The following SLC35E1 variants were observed in gnomAD, a reference collection of about 807,000 sequenced individuals.
The protein encoded by SLC35E1 is solute carrier family 35, member E1.
A neutral mutation model predicts 31.0 loss-of-function variants in SLC35E1; 12 were observed. The ratio of observed to expected loss-of-function variants is 0.39; its 90% CI spans 0.25 to 0.63. The LOEUF (loss-of-function observed/expected upper bound fraction) is 0.63. Among genes scored for constraint, SLC35E1 ranks in the 20% least tolerant of loss-of-function variants. SLC35E1 has a pLI of 0.52. For missense variants in SLC35E1, 429 were observed against 572.2 expected, an observed-to-expected ratio of 0.75 and a Z score of 2.55; for synonymous variants, 257 against 264.1, an observed-to-expected ratio of 0.97 and a Z score of 0.26.
At position 16,556,333 on chromosome 19, in the gene SLC35E1, C is replaced by A. The variant is rs150229330; in HGVS notation, c.757-936G>T. ...GGGCAGCCTGGGCAACACAGTGAGA[C>A]CCTGTCTCTACAAAAAAAAAAAAAA... On this transcript the variant is annotated intron_variant, in intron 4 of 5. Transcript: ENST00000595753. 4.4e-3 allele frequency among the ~76,000 whole-genome samples: 662 copies of A among 151,756 alleles called. 8 individuals carry two copies. The highest frequency in any genetic ancestry group is 0.015 in the African/African-American group (636 of 41,352).
Position 16,553,884 on chromosome 19 carries a change from G to A in SLC35E1, c.1028C>T (p.Ala343Val), listed in dbSNP as rs748949658. The change falls in exon 6 of 6, where the codon GCC (alanine) becomes GTC (valine). Residue 343 changes from alanine to valine, a missense_variant. By Grantham distance (64) the Ala-to-Val change is moderately conservative (BLOSUM62 0). Coordinates refer to ENST00000595753, the MANE Select transcript of SLC35E1 (RefSeq NM_024881.5). ...NKTKYDANQQ[A>V]RKHLLPVTTA... Reference sequence around the variant, plus strand: ...GGTGACGGGGAGGAGGTGCTTCCTGGCTTGCTGGTTTGCATCGTACTTGGT... The same window carrying A: ...GGTGACGGGGAGGAGGTGCTTCCTGACTTGCTGGTTTGCATCGTACTTGGT... 1 of 1,611,562 alleles carries A rather than the reference G, an allele frequency of 6.2e-7. No individual in the cohort carries two copies. The highest frequency in any genetic ancestry group is 8.5e-7 in the Non-Finnish European group (1 of 1,178,546).
At chr19:16,569,950 T>G (rs1599322894) in intron 2 of SLC35E1, among the ~76,000 whole-genome samples, 2 of 152,302 alleles carry the variant, frequency 1.3e-5, no homozygotes, top group South Asian at 4.1e-4. Context: ...GAATTCCAGC[T>G]TCCCGAATAT....
At chr19:16,557,463 G>C (rs530988450) in intron 4 of SLC35E1, among the ~76,000 whole-genome samples, 243 of 152,238 alleles carry the variant, frequency 1.6e-3, no homozygotes, top group South Asian at 2.9e-3. Flanking sequence ...AAAGTGCTGG[G>C]ATTACTGGCA....
Position 16,572,405 on chromosome 19 carries a change from C to A in SLC35E1, c.-41G>T, listed in dbSNP as rs991389565. The A allele has an allele frequency of 1.1e-5, 11 of 984,428 alleles. No homozygotes were observed. The highest frequency in any genetic ancestry group is 6.1e-5 in the Admixed American group (1 of 16,306). 61.0% of individuals were successfully genotyped at this position (984,428 alleles called of 1,614,324 possible). ...GCCCCTTCCAGCCCGTCCGACGGCC[C>A]GACGCCGGGCGGGGGCGGGGCTGGG... On this transcript the variant is annotated 5_prime_UTR_variant, in exon 1 of 6. Transcript: ENST00000595753. This position sits in a 1 kb window ranked among gnomAD's most constrained non-coding sequence, Gnocchi z 4.1.
chr19:16,572,293 C>G lies in SLC35E1; in HGVS notation c.72G>C (p.Ala24=). Residue 24 remains alanine, a synonymous_variant, in exon 1 of 6, where the codon GCG becomes GCC. Coordinates refer to ENST00000595753, the MANE Select transcript of SLC35E1 (RefSeq NM_024881.5). The surrounding 1 kb of genome is among the most constrained non-coding windows in gnomAD (Gnocchi z 4.1). Reference sequence around the variant, plus strand: ...GCGCCGCCACCCGCGCGCCCTCGCGCGCCCCACCACTGCTGCTCGCTGCGC... The same window carrying G: ...GCGCCGCCACCCGCGCGCCCTCGCGGGCCCCACCACTGCTGCTCGCTGCGC... ...GPGAASSSGG[A]REGARVAALC... The G allele has an allele frequency of 6.8e-7, 1 of 1,476,104 alleles. No homozygotes were observed. Among genetic ancestry groups the G allele is most frequent in the South Asian group, 1.3e-5 (1 of 77,808 alleles). The allele number at this position is 1,476,104 out of a possible 1,614,324, so 91.4% of individuals were successfully genotyped here.
chr19:16,561,991 C>T (rs145946623), intron 4 of SLC35E1, among the ~76,000 whole-genome samples: 66 of 152,018 alleles, frequency 4.3e-4, no homozygotes, highest in Non-Finnish European at 7.1e-4. Flanking sequence ...AGTTCAAGAC[C>T]AACCTAGGCA....
intron 2 of SLC35E1, among the ~76,000 whole-genome samples, chr19:16,568,992 G>A (rs1216561194): frequency 6.7e-6 from 1 of 150,352 alleles, no homozygotes; most frequent in Non-Finnish European, 1.5e-5. Context: ...CAGGGCCACT[G>A]CCTGGACTTC....
In SLC35E1 at chr19:16,556,361, T is replaced by C. The variant is rs1456209634; in HGVS notation, c.757-964A>G. 7.3e-5 allele frequency among the ~76,000 whole-genome samples: 11 copies of C among 150,826 alleles called. No individual in the cohort carries two copies. The South Asian group carries it at 2.3e-3, about 32-fold the overall frequency. On this transcript the variant is annotated intron_variant, in intron 4 of 5. Coordinates refer to ENST00000595753, the MANE Select transcript of SLC35E1 (RefSeq NM_024881.5). Reference sequence around the variant, plus strand: ...TGTCTCTACAAAAAAAAAAAAAAATTAGCCAGGCATGGTGGTGCACACCTG... The same window carrying C: ...TGTCTCTACAAAAAAAAAAAAAAATCAGCCAGGCATGGTGGTGCACACCTG...
Position 16,553,834 on chromosome 19 carries a change from G to A in SLC35E1, c.1078C>T (p.Arg360Cys), listed in dbSNP as rs372456978. ...GGCTTCTCCAGTGGGCTCCGGTGAC[G>A]CTCCTTGCTGCTCAGGTCTGCTGTG... ...VTTADLSSKE[R>C]HRSPLEKPHN... Residue 360 changes from arginine (R) to cysteine (C), a missense_variant, in exon 6 of 6, where the codon CGT (arginine) becomes TGT (cysteine). Physicochemically the swap from Arg to Cys is radical, Grantham distance 180. Coordinates refer to ENST00000595753, the MANE Select transcript of SLC35E1 (RefSeq NM_024881.5). 81 of 1,613,822 alleles carry A rather than the reference G, an allele frequency of 5.0e-5. No individual in the cohort carries two copies. Among genetic ancestry groups the A allele is most frequent in the Admixed American group, 6.7e-5 (4 of 59,982 alleles).
chr19:16,559,045 G>A (rs574860972), intron 4 of SLC35E1, among the ~76,000 whole-genome samples: 2 of 152,218 alleles, frequency 1.3e-5, no homozygotes, highest in South Asian at 4.1e-4. Flanking sequence ...TGGGATTACA[G>A]GCATGAGCCA....
At chr19:16,561,599 T>C (rs8104501) in intron 4 of SLC35E1, among the ~76,000 whole-genome samples, 22,716 of 152,198 alleles carry the variant, frequency 0.15, 2,495 homozygotes, top group African/African-American at 0.31. Flanking sequence ...GCCAAGCCAT[T>C]TGGCAACTGG....
In SLC35E1 at chr19:16,572,153, G is replaced by C. The variant is rs2085963237; in HGVS notation, c.212C>G (p.Ala71Gly). 4 of 1,516,768 alleles carry C rather than the reference G, an allele frequency of 2.6e-6. No homozygotes were observed. Among genetic ancestry groups the C allele is most frequent in the African/African-American group, 1.5e-5 (1 of 68,798 alleles). 94.0% of individuals were successfully genotyped at this position (1,516,768 alleles called of 1,614,324 possible). A position where few individuals can be genotyped will look rare whatever the true frequency, so the allele number is the denominator to read the frequency against. ...VSLCHILALC[A>G]GLPPLLRAWR... ...GGCGCGCAGCAGCGGCGGGAGCCCA[G>C]CGCACAGAGCCAGGATGTGGCACAG... The change falls in exon 1 of 6, where the codon GCT becomes GGT. Residue 71 changes from alanine (A) to glycine (G), a missense_variant. Transcript: ENST00000595753. This position sits in a 1 kb window ranked among gnomAD's most constrained non-coding sequence, Gnocchi z 4.1.
chr19:16,566,902 T>C (rs1380594292), intron 3 of SLC35E1, among the ~76,000 whole-genome samples: 1 of 152,178 alleles, frequency 6.6e-6, no homozygotes, highest in Admixed American at 6.5e-5. Flanking sequence ...CTGGTGAGGA[T>C]GAAGTGAAGT....
intron 4 of SLC35E1, among the ~76,000 whole-genome samples, chr19:16,560,859 C>G (rs2085901116): frequency 2.0e-5 from 2 of 99,000 alleles, no homozygotes; most frequent in Non-Finnish European, 3.5e-5. Flanking sequence ...GAGACTCCAT[C>G]TCAAAAACAA....
At chr19:16,562,901 C>T (rs971278713) in intron 4 of SLC35E1, among the ~76,000 whole-genome samples, 20 of 152,218 alleles carry the variant, frequency 1.3e-4, no homozygotes, top group East Asian at 9.7e-4. Flanking sequence ...TACGTAGAGA[C>T]GGGGTTTCAC....
At chr19:16,566,476 C>A in intron 4 of SLC35E1, 56 bp downstream of exon 4, 1 of 1,606,510 alleles carries the variant, frequency 6.2e-7, no homozygotes, top group Non-Finnish European at 8.5e-7. Flanking sequence ...CTCAACAAAG[C>A]ACCTATTCTG....
chr19:16,562,507 T>A (rs373711114), intron 4 of SLC35E1, among the ~76,000 whole-genome samples: 1 of 152,324 alleles, frequency 6.6e-6, no homozygotes, highest in East Asian at 1.9e-4. Flanking sequence ...TCCATGCACA[T>A]CCTCCCATAT....
intron 4 of SLC35E1, among the ~76,000 whole-genome samples, chr19:16,562,032 G>A (rs929973899): frequency 6.6e-6 from 1 of 151,462 alleles, no homozygotes; most frequent in Non-Finnish European, 1.5e-5. Context: ...CGAAAAAAAA[G>A]AACCAACCAA....
At chr19:16,569,173 TACC>T (rs1355793142) in intron 2 of SLC35E1, among the ~76,000 whole-genome samples, 2 of 152,156 alleles carry the variant, frequency 1.3e-5, no homozygotes, top group Admixed American at 1.3e-4. Context: ...TACAGGTGCC[TACC>T]ACCACGCCCA....
Sources: allele counts gnomAD v4.1 joint callset (sites outside exome capture counted in the v4.1 genomes callset), GRCh38; gene constraint gnomAD v4.1.1; non-coding constraint Gnocchi (gnomAD v3.1); transcripts MANE v1.5; gene names NCBI Gene and HGNC (gene_info 2026-07-23, HGNC 2026-07-21).